SPMIP6: variants seen among roughly 807,000 people sequenced by gnomAD.
SPMIP6 encodes the protein sperm microtubule inner protein 6.
chr9:34,383,149 A>G, the SPMIP6 span, among the ~76,000 whole-genome samples: 1 of 152,178 alleles, frequency 6.6e-6, no homozygotes, highest in African/African-American at 2.4e-5. Context: ...CAGCCTGGAC[A>G]AGGAGCCTCT....
At chr9:34,381,083 T>C in the SPMIP6 span, 1 of 1,610,778 alleles carries the variant, frequency 6.2e-7, no homozygotes, top group South Asian at 1.1e-5. The surrounding 1 kb of genome is among the most constrained non-coding windows in gnomAD (Gnocchi z 4.4). Context: ...CCGCGGCAGC[T>C]GCTGGTTCCG....
At chr9:34,390,068 A>T in the SPMIP6 span, 1 of 151,972 alleles carries the variant, frequency 6.6e-6, no homozygotes, top group Non-Finnish European at 1.5e-5. Flanking sequence ...TAGATTCTAT[A>T]TATGCAGTTG....
chr9:34,394,379 T>C, the SPMIP6 span, among the ~76,000 whole-genome samples: 1 of 152,088 alleles, frequency 6.6e-6, no homozygotes. Context: ...ATGGTCTCGA[T>C]CTCCTGACCT....
the SPMIP6 span, chr9:34,381,575 C>T: frequency 6.7e-7 from 1 of 1,498,478 alleles, no homozygotes; most frequent in East Asian, 2.5e-5. This position sits in a 1 kb window ranked among gnomAD's most constrained non-coding sequence, Gnocchi z 4.4. Context: ...CCCCACCTCT[C>T]CAGGGCTCTG....
chr9:34,381,594 G>A, the SPMIP6 span: 2 of 1,451,960 alleles, frequency 1.4e-6, no homozygotes, highest in South Asian at 1.4e-5. The surrounding 1 kb of genome is among the most constrained non-coding windows in gnomAD (Gnocchi z 4.4). Flanking sequence ...TGTGTTGGCG[G>A]CTGTCACCGG....
chr9:34,397,448 C>G, the SPMIP6 span: 1 of 1,586,856 alleles, frequency 6.3e-7, no homozygotes. Context: ...GCCAGGCATC[C>G]AGACTGGCCA....
the SPMIP6 span, chr9:34,385,544 A>AAG: frequency 9.9e-7 from 1 of 1,012,274 alleles, no homozygotes; most frequent in East Asian, 3.1e-5. Context: ...TCAAAAAAAA[A>AAG]AAAAAAAAAA....
the SPMIP6 span, chr9:34,397,393 A>C: frequency 3.1e-6 from 4 of 1,278,964 alleles, no homozygotes; most frequent in Admixed American, 1.7e-5. Context: ...TAAATGAATA[A>C]AACACACACA....
the SPMIP6 span, chr9:34,397,416 C>T: frequency 6.9e-7 from 1 of 1,446,220 alleles, no homozygotes; most frequent in Non-Finnish European, 9.7e-7. Context: ...CACAAAGCTA[C>T]AAATCATTAC....
At chr9:34,382,869 G>C in the SPMIP6 span, 5 of 1,598,272 alleles carry the variant, frequency 3.1e-6, no homozygotes, top group Non-Finnish European at 4.3e-6. Flanking sequence ...GCATTTGTCT[G>C]CTGGATAATA....
the SPMIP6 span, among the ~76,000 whole-genome samples, chr9:34,382,306 A>G: frequency 6.6e-6 from 1 of 152,216 alleles, no homozygotes; most frequent in African/African-American, 2.4e-5. Context: ...AAACCCGGCC[A>G]GGTGCAGTGG....
the SPMIP6 span, chr9:34,380,882 C>A: frequency 6.7e-7 from 1 of 1,501,892 alleles, no homozygotes; most frequent in Non-Finnish European, 8.9e-7. Flanking sequence ...CTGAGGCGGG[C>A]GGAGCCCTGC....
chr9:34,392,287 C>T, the SPMIP6 span, among the ~76,000 whole-genome samples: 13 of 152,214 alleles, frequency 8.5e-5, no homozygotes, highest in Admixed American at 2.0e-4. The surrounding 1 kb of genome is among the most constrained non-coding windows in gnomAD (Gnocchi z 4.6). Context: ...TGGTCCTAAA[C>T]TCCTGGGCTC....
the SPMIP6 span, among the ~76,000 whole-genome samples, chr9:34,390,684 T>C: frequency 2.6e-5 from 4 of 152,342 alleles, no homozygotes; most frequent in Middle Eastern, 0.014. Flanking sequence ...TTTTATTTTC[T>C]TATACACTTT....
the SPMIP6 span, chr9:34,379,817 C>T: frequency 9.6e-7 from 1 of 1,046,292 alleles, no homozygotes; most frequent in African/African-American, 1.6e-5. This position sits in a 1 kb window ranked among gnomAD's most constrained non-coding sequence, Gnocchi z 4.2. Context: ...CTGGGCGGCG[C>T]TTCAGGTGTC....
chr9:34,385,765 A>G, the SPMIP6 span: 4 of 1,613,570 alleles, frequency 2.5e-6, no homozygotes, highest in East Asian at 2.2e-5. Context: ...ATGTCGCTCC[A>G]TGGTATGAGT....
chr9:34,389,738 T>A, the SPMIP6 span, among the ~76,000 whole-genome samples: 9 of 152,188 alleles, frequency 5.9e-5, no homozygotes, highest in Non-Finnish European at 1.2e-4. Context: ...TAAGTATTTT[T>A]AAAAAAGTAT....
At chr9:34,385,599 G>T in the SPMIP6 span, 2 of 1,592,066 alleles carry the variant, frequency 1.3e-6, no homozygotes, top group Non-Finnish European at 1.7e-6. Context: ...GTTCAGGTTG[G>T]GGGTCATTTT....
At chr9:34,381,633 G>A in the SPMIP6 span, 7 of 1,435,298 alleles carry the variant, frequency 4.9e-6, no homozygotes, top group Non-Finnish European at 6.4e-6. The surrounding 1 kb of genome is among the most constrained non-coding windows in gnomAD (Gnocchi z 4.4). Context: ...CAACAGGGGC[G>A]GGGTGGGGTA....
Sources: gnomAD v4.1 joint callset for allele counts (sites outside exome capture counted in the v4.1 genomes callset) on GRCh38, gnomAD v4.1.1 for gene constraint, Gnocchi (gnomAD v3.1) non-coding constraint, MANE v1.5 for transcripts, NCBI Gene and HGNC (gene_info 2026-07-23, HGNC 2026-07-21) for gene names.